The following ZNF827 variants were observed in gnomAD, a reference collection of about 807,000 sequenced individuals.
ZNF827 encodes zinc finger protein 827.
Under a neutral mutation model 102.4 loss-of-function variants are expected in ZNF827, and 13 were observed. That is an observed-to-expected ratio of 0.13 (90% CI 0.08 to 0.20). The LOEUF (loss-of-function observed/expected upper bound fraction) is 0.20, where lower values mean the gene tolerates loss of function less well. Ranked by LOEUF, ZNF827 falls within the 10% of genes least tolerant of loss-of-function variation. The probability of loss-of-function intolerance (pLI) is 1.00; values close to 1 mark genes in which losing one functional copy is unlikely to be tolerated. For synonymous variants in ZNF827, 523 were observed against 536.2 expected (o/e 0.98, Z 0.34); for missense variants, 1,103 against 1,344.4 (o/e 0.82, Z 2.81).
Position 145,763,595 on chromosome 4 carries a change from G to A in ZNF827, c.3231-473C>T, listed in dbSNP as rs762322375. Among the ~76,000 whole-genome samples, 4 of 152,188 alleles carry A rather than the reference G, an allele frequency of 2.6e-5. No homozygotes were observed. Among genetic ancestry groups the A allele is most frequent in the Non-Finnish European group, 4.4e-5 (3 of 68,026 alleles). ...ACTTTGGAGGTCCCTGAGGAAAGGC[G>A]AACTGGCAAAGCCACAACTGGCAGG... On this transcript the variant is annotated intron_variant, in intron 13 of 14. Transcript: ENST00000508784. This position sits in a 1 kb window ranked among gnomAD's most constrained non-coding sequence, Gnocchi z 4.6.
At chr4:145,811,799 T>C (rs1419055925) in intron 8 of ZNF827, among the ~76,000 whole-genome samples, 1 of 152,198 alleles carries the variant, frequency 6.6e-6, no homozygotes, top group Non-Finnish European at 1.5e-5. Flanking sequence ...GATCAAAATA[T>C]AAAACTGGCC....
chr4:145,823,642 G>A (rs1035426252), intron 7 of ZNF827, 117 bp from the exon 8 acceptor site: 13 of 678,156 alleles, frequency 1.9e-5, no homozygotes, highest in East Asian at 7.8e-5. Context: ...TGTTTGCAAC[G>A]GTGTTTAGTG....
chr4:145,893,819 G>C (rs1750782951), intron 2 of ZNF827, among the ~76,000 whole-genome samples: 1 of 151,878 alleles, frequency 6.6e-6, no homozygotes, highest in African/African-American at 2.4e-5. Context: ...ACACCAACGG[G>C]ATGAAATCAG....
intron 1 of ZNF827, among the ~76,000 whole-genome samples, chr4:145,923,361 T>G (rs1241816291): frequency 6.6e-6 from 1 of 152,050 alleles, no homozygotes; most frequent in African/African-American, 2.4e-5. Flanking sequence ...TACCAGCACT[T>G]TGGGATGCCG....
chr4:145,864,585 C>A (rs1486407588), intron 5 of ZNF827, among the ~76,000 whole-genome samples: 1 of 151,738 alleles, frequency 6.6e-6, no homozygotes, highest in Non-Finnish European at 1.5e-5. Context: ...CTGAGCAAGA[C>A]CCTGTCTCTA....
intron 3 of ZNF827, among the ~76,000 whole-genome samples, chr4:145,891,982 C>T (rs865797549): frequency 2.0e-4 from 31 of 152,330 alleles, no homozygotes; most frequent in Middle Eastern, 3.4e-3. Context: ...GGCTGTTGCT[C>T]CCCTATAGGA....
chr4:145,857,235 A>G (rs1422195615), intron 5 of ZNF827, among the ~76,000 whole-genome samples: 1 of 152,220 alleles, frequency 6.6e-6, no homozygotes, highest in African/African-American at 2.4e-5. Flanking sequence ...ATTTTAGAAA[A>G]ACACCTGAGA....
At chr4:145,827,879 T>C (rs1044799887) in intron 7 of ZNF827, among the ~76,000 whole-genome samples, 1 of 152,220 alleles carries the variant, frequency 6.6e-6, no homozygotes, top group Non-Finnish European at 1.5e-5. Flanking sequence ...GCTGAAATCA[T>C]ATTCCGTAAG....
intron 7 of ZNF827, among the ~76,000 whole-genome samples, chr4:145,827,392 T>C (rs1743795342): frequency 6.6e-6 from 1 of 152,028 alleles, no homozygotes; most frequent in Admixed American, 6.5e-5. Flanking sequence ...TATTGAGAAA[T>C]AGAGCAAGTA....
At chr4:145,813,772 T>C (rs1742289579) in intron 8 of ZNF827, among the ~76,000 whole-genome samples, 1 of 152,122 alleles carries the variant, frequency 6.6e-6, no homozygotes, top group African/African-American at 2.4e-5. Flanking sequence ...AGAAAGATAG[T>C]CGGACTGCAG....
At chr4:145,848,177 A>G (rs983659799) in intron 6 of ZNF827, among the ~76,000 whole-genome samples, 1 of 152,236 alleles carries the variant, frequency 6.6e-6, no homozygotes, top group Non-Finnish European at 1.5e-5. Context: ...TTCATCCTTC[A>G]AAAAATACAT....
Position 145,902,928 on chromosome 4 carries a change from C to T in ZNF827, c.331G>A (p.Asp111Asn), listed in dbSNP as rs777056944. Reference sequence around the variant, plus strand: ...AGGGGCTTGTTGGAGCCTGGGTCATCGTCACACAAAGAAGACACTCCCGGG... The same window carrying T: ...AGGGGCTTGTTGGAGCCTGGGTCATTGTCACACAAAGAAGACACTCCCGGG... ...LSPGVSSLCD[D>N]DPGSNKPLSS... Residue 111 changes from aspartate (D) to asparagine (N), a missense_variant, in exon 2 of 15, where the codon GAT becomes AAT. By Grantham distance (23) the Asp-to-Asn change is conservative. Transcript: ENST00000508784. This position sits in a 1 kb window ranked among gnomAD's most constrained non-coding sequence, Gnocchi z 4.3. 7 of 1,614,034 alleles carry T rather than the reference C, an allele frequency of 4.3e-6. No individual in the cohort carries two copies. Among genetic ancestry groups the T allele is most frequent in the African/African-American group, 2.7e-5 (2 of 74,910 alleles).
At position 145,765,622 on chromosome 4, in the gene ZNF827, C is replaced by A; in HGVS notation, c.2977G>T (p.Gly993Trp). 7.4e-6 allele frequency: 12 copies of A among 1,614,098 alleles called. No individual in the cohort carries two copies. The highest frequency in any genetic ancestry group is 9.3e-6 in the Non-Finnish European group (11 of 1,180,018). ...ACAGAGATGACCAGCAGATTGTTCC[C>A]GCCCTTGTTTTTCTGGGAGCCATCT... ...DSDGSQKNKG[G>W]NNLLVISVMP... is the part of the protein sequence containing the mutation. The change falls in exon 12 of 15, where the codon GGG becomes TGG. Residue 993 changes from glycine (G) to tryptophan (W), a missense_variant. Coordinates refer to ENST00000508784, the MANE Select transcript of ZNF827 (RefSeq NM_001306215.2). This position sits in a 1 kb window ranked among gnomAD's most constrained non-coding sequence, Gnocchi z 4.7.
At position 145,763,494 on chromosome 4, in the gene ZNF827, C is replaced by T. The variant is rs143894856; in HGVS notation, c.3231-372G>A. Among the ~76,000 whole-genome samples, 4 of 152,310 alleles carry T rather than the reference C, an allele frequency of 2.6e-5. No homozygotes were observed. The highest frequency in any genetic ancestry group is 1.9e-4 in the East Asian group (1 of 5,184). Reference sequence around the variant, plus strand: ...CTATTACACAGGGGACGGTTAGCACCGCACGGGAAGTGTCTGTACCAGCAA... The same window carrying T: ...CTATTACACAGGGGACGGTTAGCACTGCACGGGAAGTGTCTGTACCAGCAA... On this transcript the variant is annotated intron_variant, in intron 13 of 14. Transcript: ENST00000508784. This position sits in a 1 kb window ranked among gnomAD's most constrained non-coding sequence, Gnocchi z 4.6.
chr4:145,862,488 T>C (rs1747821919), intron 5 of ZNF827, among the ~76,000 whole-genome samples: 1 of 152,200 alleles, frequency 6.6e-6, no homozygotes. Flanking sequence ...AAAGTCTAAT[T>C]CTTATTTATA....
intron 8 of ZNF827, among the ~76,000 whole-genome samples, chr4:145,797,282 A>G (rs997746709): frequency 3.3e-5 from 5 of 152,200 alleles, no homozygotes; most frequent in African/African-American, 1.2e-4. Context: ...TGTAGGACAG[A>G]AGAGACTAGA....
At chr4:145,794,097 G>A (rs1163837266) in intron 8 of ZNF827, among the ~76,000 whole-genome samples, 2 of 152,186 alleles carry the variant, frequency 1.3e-5, no homozygotes, top group Non-Finnish European at 2.9e-5. Flanking sequence ...ACGTGTACTA[G>A]AGCGGAGAAC....
At position 145,823,463 on chromosome 4, in the gene ZNF827, A is replaced by G. The variant is rs1743353638; in HGVS notation, c.2342T>C (p.Leu781Pro). ...TCCGTGCAGCACGGAGTCACTGGGCAGCAGTTCTTTTGAATTGGAGGTGAA... is the reference window on the plus strand; with the variant it reads ...TCCGTGCAGCACGGAGTCACTGGGCGGCAGTTCTTTTGAATTGGAGGTGAA... ...SPFTSNSKELLPSDSVLHGRI... is the reference protein window; with the variant it reads ...SPFTSNSKELPPSDSVLHGRI... The change falls in exon 8 of 15, where the codon CTG becomes CCG. Residue 781 changes from leucine to proline, a missense_variant. Transcript: ENST00000508784. 1 of 1,610,004 alleles carries G rather than the reference A, an allele frequency of 6.2e-7. No individual in the cohort carries two copies. Among genetic ancestry groups the G allele is most frequent in the Non-Finnish European group, 8.5e-7 (1 of 1,177,736 alleles).
intron 5 of ZNF827, among the ~76,000 whole-genome samples, chr4:145,851,901 C>A (rs1008682296): frequency 6.6e-6 from 1 of 152,208 alleles, no homozygotes; most frequent in Non-Finnish European, 1.5e-5. Flanking sequence ...GAGAACTGAT[C>A]TTCCTCCCTC....
Sources: gnomAD v4.1 joint callset for allele counts (sites outside exome capture counted in the v4.1 genomes callset) on GRCh38, gnomAD v4.1.1 for gene constraint, Gnocchi (gnomAD v3.1) non-coding constraint, MANE v1.5 for transcripts, NCBI Gene and HGNC (gene_info 2026-07-23, HGNC 2026-07-21) for gene names.